The following PPP2R3A variants were observed in gnomAD, a reference collection of about 807,000 sequenced individuals.
PPP2R3A encodes protein phosphatase 2 regulatory subunit B''alpha.
In PPP2R3A, 80 loss-of-function variants were observed where a neutral mutation model predicts 106.9. That is an observed-to-expected ratio of 0.75 (90% CI 0.62 to 0.90). PPP2R3A has a LOEUF of 0.90. PPP2R3A is among the 40% of genes least tolerant of loss of function. PPP2R3A has a pLI of 0.00. For missense variants in PPP2R3A, 1,386 were observed against 1,350.4 expected (o/e 1.03, Z -0.41); for synonymous variants, 483 against 468.3 (o/e 1.03, Z -0.41).
Position 136,036,080 on chromosome 3 carries a change from G to A in PPP2R3A, c.2263-4779G>A, listed in dbSNP as rs369206208. Among the ~76,000 whole-genome samples the A allele has an allele frequency of 7.2e-4, 109 of 151,954 alleles. 1 individual carries two copies. Among genetic ancestry groups the A allele is most frequent in the African/African-American group, 2.4e-3 (98 of 41,460 alleles). Reference sequence around the variant, plus strand: ...TCCATTGTTTCCTGAAGTTTTGATTGTTTTTTATTTATGCTATTTCCTTGA... The same window carrying A: ...TCCATTGTTTCCTGAAGTTTTGATTATTTTTTATTTATGCTATTTCCTTGA... On this transcript the variant is annotated intron_variant, in intron 3 of 13. Transcript: ENST00000264977.
intron 3 of PPP2R3A, among the ~76,000 whole-genome samples, chr3:136,031,282 A>G (rs1271475858): frequency 6.6e-6 from 1 of 152,006 alleles, no homozygotes; most frequent in Non-Finnish European, 1.5e-5. Flanking sequence ...AACATTTTTT[A>G]TATGTTTATT....
At chr3:136,059,391 CTGA>C (rs1375652704) in intron 5 of PPP2R3A, among the ~76,000 whole-genome samples, 1 of 152,154 alleles carries the variant, frequency 6.6e-6, no homozygotes, top group African/African-American at 2.4e-5. Context: ...CTCGACATCA[CTGA>C]TGATTAGAGA....
At chr3:136,030,403 CTAATTT>C (rs1202713633) in intron 3 of PPP2R3A, among the ~76,000 whole-genome samples, 2 of 150,986 alleles carry the variant, frequency 1.3e-5, no homozygotes, top group African/African-American at 4.9e-5. Context: ...CTCTTTTTTT[CTAATTT>C]TATTTCCATG....
intron 6 of PPP2R3A, among the ~76,000 whole-genome samples, chr3:136,075,739 A>G (rs1195021499): frequency 6.6e-6 from 1 of 152,226 alleles, no homozygotes; most frequent in Non-Finnish European, 1.5e-5. Flanking sequence ...AATTTTAGAT[A>G]GAAAACTCAT....
chr3:136,025,561 C>G (rs1005049177), intron 2 of PPP2R3A, among the ~76,000 whole-genome samples: 2 of 151,988 alleles, frequency 1.3e-5, no homozygotes, highest in Non-Finnish European at 2.9e-5. Flanking sequence ...AATCTTATCT[C>G]TTTATAAAAC....
chr3:136,145,374 CT>C lies in PPP2R3A; in HGVS notation c.*210del, dbSNP rs1939077327. On this transcript the variant is annotated 3_prime_UTR_variant, in exon 14 of 14. Transcript: ENST00000264977. ...AATTTGCCTCAAACCTCTTACGGAG[CT>C]TCTCCTCAGAAGTGGTACCATCGCC... 1 of 455,430 alleles carries C rather than the reference CT, an allele frequency of 2.2e-6. No individual in the cohort carries two copies. Among genetic ancestry groups the C allele is most frequent in the Admixed American group, 4.2e-5 (1 of 23,848 alleles). The allele number at this position is 455,430 out of a possible 1,614,324, so 28.2% of individuals were successfully genotyped here.
intron 2 of PPP2R3A, among the ~76,000 whole-genome samples, chr3:136,013,182 GTATGTATGTATGTA>G (rs774252697): frequency 4.7e-4 from 57 of 121,586 alleles, no homozygotes; most frequent in African/African-American, 8.8e-4. Context: ...GTGTGTGTGT[GTATGTATGTATGTA>G]TGTATGTATG....
chr3:136,011,580 A>G (rs1392721648), intron 2 of PPP2R3A, among the ~76,000 whole-genome samples: 1 of 152,222 alleles, frequency 6.6e-6, no homozygotes, highest in Admixed American at 6.5e-5. Context: ...CCCTGAAACC[A>G]GGCTTCCCAA....
At chr3:136,106,989 G>A (rs151245753) in intron 13 of PPP2R3A, 74 of 143,638 alleles carry the variant, frequency 5.2e-4, no homozygotes, top group African/African-American at 1.8e-3. Context: ...AGATGATCAT[G>A]TTTAGAACAA....
chr3:136,063,146 A>G (rs1475803176), intron 5 of PPP2R3A, among the ~76,000 whole-genome samples: 1 of 152,188 alleles, frequency 6.6e-6, no homozygotes, highest in African/African-American at 2.4e-5. Context: ...TCTTTGACAA[A>G]CTTGACAAAA....
chr3:136,129,410 T>A (rs370604476), intron 13 of PPP2R3A, among the ~76,000 whole-genome samples: 4 of 152,070 alleles, frequency 2.6e-5, no homozygotes, highest in South Asian at 2.1e-4. Flanking sequence ...TAAACTAGAA[T>A]ATCTAGAAGA....
intron 3 of PPP2R3A, among the ~76,000 whole-genome samples, chr3:136,037,007 G>A (rs902747766): frequency 1.3e-5 from 2 of 152,224 alleles, no homozygotes. Context: ...GGAAAGAGGA[G>A]AAGAGAGGCA....
chr3:136,046,310 C>T (rs372438950), intron 4 of PPP2R3A, among the ~76,000 whole-genome samples: 24 of 152,106 alleles, frequency 1.6e-4, no homozygotes, highest in African/African-American at 5.5e-4. Flanking sequence ...AAAAATTAGC[C>T]GGGCATAGTG....
chr3:136,076,549 T>C (rs1936600820), intron 6 of PPP2R3A, among the ~76,000 whole-genome samples: 1 of 152,236 alleles, frequency 6.6e-6, no homozygotes. Flanking sequence ...CAAATAGTTA[T>C]GAAGCCAACC....
intron 8 of PPP2R3A, chr3:136,087,332 T>C (rs1415815417): frequency 6.8e-6 from 1 of 147,036 alleles, no homozygotes; most frequent in East Asian, 2.1e-4. Flanking sequence ...CGATTATCTA[T>C]GTGAATAAAA....
intron 10 of PPP2R3A, among the ~76,000 whole-genome samples, chr3:136,093,880 T>C (rs1937155923): frequency 6.6e-6 from 1 of 152,184 alleles, no homozygotes; most frequent in African/African-American, 2.4e-5. Flanking sequence ...GCAATTCCAC[T>C]CCTTAGGTAT....
At chr3:136,135,050 C>G (rs927842375) in intron 13 of PPP2R3A, among the ~76,000 whole-genome samples, 3 of 151,844 alleles carry the variant, frequency 2.0e-5, no homozygotes, top group Admixed American at 1.3e-4. Context: ...TTGGCTCAAG[C>G]GAAAGTTTTT....
intron 6 of PPP2R3A, among the ~76,000 whole-genome samples, chr3:136,072,107 G>A (rs1936451606): frequency 6.6e-6 from 1 of 151,802 alleles, no homozygotes; most frequent in African/African-American, 2.4e-5. Flanking sequence ...CCTATCATCT[G>A]ATAAAATTTA....
At chr3:136,085,622 T>C (rs1559911414) in intron 8 of PPP2R3A, among the ~76,000 whole-genome samples, 1 of 152,216 alleles carries the variant, frequency 6.6e-6, no homozygotes, top group Admixed American at 6.5e-5. Flanking sequence ...TGATTCATTC[T>C]TCTCTCATAA....
Sources: gnomAD v4.1 joint callset for allele counts (sites outside exome capture counted in the v4.1 genomes callset) on GRCh38, gnomAD v4.1.1 for gene constraint, MANE v1.5 for transcripts, NCBI Gene and HGNC (gene_info 2026-07-23, HGNC 2026-07-21) for gene names.